The following ADCY5 variants were observed in gnomAD, a reference collection of about 807,000 sequenced individuals.
The protein encoded by ADCY5 is adenylate cyclase 5.
A neutral mutation model predicts 119.7 loss-of-function variants in ADCY5; 30 were observed. The ratio of observed to expected loss-of-function variants is 0.25; its 90% confidence interval spans 0.19 to 0.34. The LOEUF is 0.34. ADCY5 is among the 10% of genes least tolerant of loss of function. ADCY5 has a pLI of 1.00. For missense variants in ADCY5, 1,324 were observed against 1,775.2 expected, an observed-to-expected ratio of 0.75 and a Z score of 4.57; for synonymous variants, 753 against 762.2, an observed-to-expected ratio of 0.99 and a Z score of 0.20.
chr3:123,326,566 G>A (rs531759438), intron 7 of ADCY5, among the ~76,000 whole-genome samples: 1 of 152,306 alleles, frequency 6.6e-6, no homozygotes, highest in South Asian at 2.1e-4. Context: ...GGCACTGAGA[G>A]ATGTGGGTAA....
chr3:123,332,772 T>A (rs79694312), intron 3 of ADCY5, 97 bp from the exon 4 acceptor site: 12 of 834,924 alleles, frequency 1.4e-5, no homozygotes, highest in Non-Finnish European at 2.3e-5. Flanking sequence ...TCTTTTTTTT[T>A]AAGAAGAGGT....
In ADCY5 at chr3:123,383,310, T is replaced by G. The variant is rs189336304; in HGVS notation, c.1135-30729A>C. ...CAGAAAGGGAGGGAGGAGGCATCATTCCCTCTGCAGCCAGGCCCACAGCTG... is the reference window on the plus strand; with the variant it reads ...CAGAAAGGGAGGGAGGAGGCATCATGCCCTCTGCAGCCAGGCCCACAGCTG... On this transcript the variant is annotated intron_variant, in intron 1 of 20. Coordinates refer to ENST00000462833, the MANE Select transcript of ADCY5 (RefSeq NM_183357.3). Among the ~76,000 whole-genome samples, 6 of 152,198 alleles carry G rather than the reference T, an allele frequency of 3.9e-5. No individual in the cohort carries two copies. The East Asian group carries it at 1.2e-3, about 29-fold the overall frequency.
chr3:123,287,557 T>C (rs886629112), intron 19 of ADCY5, among the ~76,000 whole-genome samples: 22 of 152,332 alleles, frequency 1.4e-4, no homozygotes, highest in Admixed American at 7.2e-4. Context: ...CACTCTTGCC[T>C]GTTTCTTGTG....
intron 1 of ADCY5, among the ~76,000 whole-genome samples, chr3:123,386,261 C>T (rs762340651): frequency 3.4e-5 from 5 of 148,994 alleles, no homozygotes; most frequent in African/African-American, 7.5e-5. Context: ...AGCCCTGGCT[C>T]CCCTCATCCT....
At chr3:123,405,795 G>A (rs1182555554) in intron 1 of ADCY5, among the ~76,000 whole-genome samples, 14 of 152,018 alleles carry the variant, frequency 9.2e-5, no homozygotes, top group Admixed American at 7.2e-4. Flanking sequence ...CCACCAGGCC[G>A]GGCTGGTTTT....
rs9814496 is a variant in ADCY5 at position 123,292,489 on chromosome 3, G to A, written c.3064-1113C>T. Among the ~76,000 whole-genome samples, 421 of 152,308 alleles carry A rather than the reference G, an allele frequency of 2.8e-3. 6 individuals carry two copies. Among genetic ancestry groups the A allele is most frequent in the African/African-American group, 8.9e-3 (372 of 41,576 alleles). ...CTGGAGTCCCTGGGAATGTGGCTGT[G>A]AGGACTGGGATCATCCCGAGGGCTT... On this transcript the variant is annotated intron_variant, in intron 17 of 20. Transcript: ENST00000462833.
intron 1 of ADCY5, among the ~76,000 whole-genome samples, chr3:123,396,775 A>AGGCAGGCAGGCAGGCAGGC: frequency 1.4e-5 from 1 of 71,058 alleles, no homozygotes; most frequent in Non-Finnish European, 2.8e-5. Flanking sequence ...GGAAGGAAGG[A>AGGCAGGCAGGCAGGCAGGC]AGGAAGGCAG....
At chr3:123,415,771 T>C (rs1945171103) in intron 1 of ADCY5, among the ~76,000 whole-genome samples, 1 of 152,092 alleles carries the variant, frequency 6.6e-6, no homozygotes, top group Non-Finnish European at 1.5e-5. Flanking sequence ...TCGTTCACAG[T>C]GAGGAAACTG....
At chr3:123,362,709 A>G (rs1321786121) in intron 1 of ADCY5, among the ~76,000 whole-genome samples, 2 of 152,226 alleles carry the variant, frequency 1.3e-5, no homozygotes, top group Admixed American at 6.5e-5. Context: ...TTGGGAGGAC[A>G]TAAACTCTGC....
chr3:123,355,900 C>A (rs1019787275), intron 1 of ADCY5, among the ~76,000 whole-genome samples: 19 of 152,236 alleles, frequency 1.2e-4, no homozygotes, highest in African/African-American at 3.9e-4. Flanking sequence ...TCATACTACT[C>A]AATTTCAAGA....
At chr3:123,288,595 T>C (rs1056735403) in intron 19 of ADCY5, among the ~76,000 whole-genome samples, 1 of 152,042 alleles carries the variant, frequency 6.6e-6, no homozygotes, top group African/African-American at 2.4e-5. Flanking sequence ...GTGGAACGAG[T>C]TCAGAGCTGG....
rs536401547 is a variant in ADCY5, at chr3:123,310,473, G to A, written c.2442+3762C>T. 3.9e-5 allele frequency among the ~76,000 whole-genome samples: 6 copies of A among 152,272 alleles called. No homozygotes were observed. The East Asian group carries it at 9.6e-4, about 24-fold the overall frequency. On this transcript the variant is annotated intron_variant, in intron 12 of 20. Transcript: ENST00000462833. ...GAGGTGATCAAGCAAAGCAGAGGCCGGCCCACCCCTTGCAGGGTTATCACT... is the reference window on the plus strand; with the variant it reads ...GAGGTGATCAAGCAAAGCAGAGGCCAGCCCACCCCTTGCAGGGTTATCACT...
intron 1 of ADCY5, chr3:123,404,076 C>A (rs1210141599): frequency 6.6e-6 from 1 of 152,234 alleles, no homozygotes; most frequent in East Asian, 1.9e-4. Flanking sequence ...CTTGAAGAAC[C>A]TGAAATCCAG....
At chr3:123,418,423 T>C (rs1689054634) in intron 1 of ADCY5, among the ~76,000 whole-genome samples, 1 of 152,246 alleles carries the variant, frequency 6.6e-6, no homozygotes, top group South Asian at 2.1e-4. Context: ...CTCATGCTTC[T>C]GCAGGCTGAA....
At chr3:123,363,902 C>G (rs1185425126) in intron 1 of ADCY5, among the ~76,000 whole-genome samples, 1 of 152,156 alleles carries the variant, frequency 6.6e-6, no homozygotes, top group African/African-American at 2.4e-5. Context: ...GAGCAAGACT[C>G]TGCATTAAGA....
At chr3:123,420,554 C>T (rs535518535) in intron 1 of ADCY5, among the ~76,000 whole-genome samples, 1 of 152,318 alleles carries the variant, frequency 6.6e-6, no homozygotes, top group African/African-American at 2.4e-5. Context: ...CTCCATTCTC[C>T]TACACGGCCA....
chr3:123,447,728 A>G lies in ADCY5; in HGVS notation c.818T>C (p.Val273Ala), dbSNP rs141412542. The change falls in exon 1 of 21, where the codon GTG becomes GCG. Residue 273 changes from valine (V) to alanine (A), a missense_variant. This residue lies in a region of ADCY5 where 585 missense variants were observed against 569.9 expected (regional missense o/e 1.03). Coordinates refer to ENST00000462833, the MANE Select transcript of ADCY5 (RefSeq NM_183357.3). ...GATCACGCCGACGGCGGCCGCCAGC[A>G]CGGCCAGGTAGGGCAGCTGGAGCGG... ...RPPLQLPYLA[V>A]LAAAVGVILI... is the part of the protein sequence containing the mutation. 591 of 1,600,304 alleles carry G rather than the reference A, an allele frequency of 3.7e-4. No homozygotes were observed. The highest frequency in any genetic ancestry group is 1.7e-3 in the Middle Eastern group (10 of 6,040).
intron 19 of ADCY5, among the ~76,000 whole-genome samples, chr3:123,288,487 G>A (rs1161388967): frequency 1.3e-5 from 2 of 152,192 alleles, no homozygotes. Flanking sequence ...CACCAAGTCA[G>A]CTTTCTATTG....
At chr3:123,360,106 CATA>C (rs1943195073) in intron 1 of ADCY5, among the ~76,000 whole-genome samples, 1 of 151,240 alleles carries the variant, frequency 6.6e-6, no homozygotes, top group Non-Finnish European at 1.5e-5. Flanking sequence ...TTTTTCTAAT[CATA>C]ATGAGTGACA....
Sources: gnomAD v4.1 joint callset for allele counts (sites outside exome capture counted in the v4.1 genomes callset) on GRCh38, gnomAD v4.1.1 for gene constraint, gnomAD v4.1.1 regional missense constraint, MANE v1.5 for transcripts, NCBI Gene and HGNC (gene_info 2026-07-23, HGNC 2026-07-21) for gene names.